ABAT: variants seen among roughly 807,000 people sequenced by gnomAD.
The protein encoded by ABAT is 4-aminobutyrate aminotransferase, also known as 4-aminobutyrate aminotransferase, mitochondrial.
Under a neutral mutation model 64.6 loss-of-function variants are expected in ABAT, and 45 were observed. The ratio of observed to expected loss-of-function variants is 0.70; its 90% CI spans 0.55 to 0.89. The LOEUF (loss-of-function observed/expected upper bound fraction) is 0.89, where lower values mean the gene tolerates loss of function less well. Ranked by LOEUF, ABAT falls within the 40% of genes least tolerant of loss-of-function variation. The pLI is 0.00. For missense variants in ABAT, 633 were observed against 658.4 expected (o/e 0.96, Z 0.42); for synonymous variants, 297 against 250.5 (o/e 1.19, Z -1.75).
rs559833009 is a variant in ABAT at position 8,716,771 on chromosome 16, G to C, written c.-41-18928G>C. ...TGCAGCAGACAGGCCCAGGCAGGCCGTGGCATTTCAGCAGGTCAGATTGTA... is the reference window on the plus strand; with the variant it reads ...TGCAGCAGACAGGCCCAGGCAGGCCCTGGCATTTCAGCAGGTCAGATTGTA... On this transcript the variant is annotated intron_variant, in intron 1 of 15. Coordinates refer to ENST00000268251, the MANE Select transcript of ABAT (RefSeq NM_020686.6). Among the ~76,000 whole-genome samples the C allele has an allele frequency of 2.6e-5, 4 of 152,288 alleles. 1 individual carries two copies. The highest frequency in any genetic ancestry group is 9.6e-5 in the African/African-American group (4 of 41,558).
chr16:8,715,876 C>G (rs2058203168), intron 1 of ABAT, among the ~76,000 whole-genome samples: 1 of 149,192 alleles, frequency 6.7e-6, no homozygotes, highest in Non-Finnish European at 1.5e-5. Context: ...TTAGAAGATA[C>G]AGGCTGAAGG....
In ABAT at chr16:8,776,586, G is replaced by A; in HGVS notation, c.1269+96G>A. 7.6e-7 allele frequency: 1 copy of A among 1,319,352 alleles called. No individual in the cohort carries two copies. The highest frequency in any genetic ancestry group is 1.1e-6 in the Non-Finnish European group (1 of 944,792). The allele number at this position is 1,319,352 out of a possible 1,614,324, so 81.7% of individuals were successfully genotyped here. A position where few individuals can be genotyped will look rare whatever the true frequency, so the allele number is the denominator to read the frequency against. On this transcript the variant is annotated intron_variant, in intron 14 of 15. Coordinates refer to ENST00000268251, the MANE Select transcript of ABAT (RefSeq NM_020686.6). The surrounding 1 kb of genome is among the most constrained non-coding windows in gnomAD (Gnocchi z 4.4). ...AGCTCTTCGGCATGGTGTTGTGCCTGCTGTTCCAGCAGTTCGTAACGGGCT... is the reference window on the plus strand; with the variant it reads ...AGCTCTTCGGCATGGTGTTGTGCCTACTGTTCCAGCAGTTCGTAACGGGCT...
At chr16:8,679,739 C>A (rs1010111922) in intron 1 of ABAT, among the ~76,000 whole-genome samples, 11 of 152,020 alleles carry the variant, frequency 7.2e-5, no homozygotes, top group African/African-American at 2.4e-4. Context: ...GTGGGGGCTC[C>A]TGAGGCCCCA....
intron 1 of ABAT, among the ~76,000 whole-genome samples, chr16:8,707,689 G>T (rs574959198): frequency 1.3e-5 from 2 of 152,166 alleles, no homozygotes; most frequent in South Asian, 2.1e-4. Context: ...GAACCTAAAA[G>T]CTAGCTGGAC....
Position 8,764,097 on chromosome 16 carries a change from G to T in ABAT, c.395G>T (p.Gly132Val), listed in dbSNP as rs756439617. The T allele has an allele frequency of 6.2e-7, 1 of 1,613,728 alleles. No homozygotes were observed. The highest frequency in any genetic ancestry group is 1.1e-5 in the South Asian group (1 of 91,064). The change falls in exon 7 of 16, where the codon GGA (glycine) becomes GTA (valine). Residue 132 changes from glycine to valine, a missense_variant. Transcript: ENST00000268251. This position sits in a 1 kb window ranked among gnomAD's most constrained non-coding sequence, Gnocchi z 4.2. ...ASMFVNRPAL[G>V]ILPPENFVEK... ...ATGTTTGTCAACAGACCCGCCCTCG[G>T]AATCCTGCCTCCGGAGAACTTTGTG...
chr16:8,720,066 GC>G (rs2058324915), intron 1 of ABAT, among the ~76,000 whole-genome samples: 3 of 152,152 alleles, frequency 2.0e-5, no homozygotes, highest in African/African-American at 7.2e-5. Flanking sequence ...GCCTGCCTCG[GC>G]CTCCCAAAGT....
chr16:8,686,318 C>G (rs2057455173), intron 1 of ABAT, among the ~76,000 whole-genome samples: 1 of 152,182 alleles, frequency 6.6e-6, no homozygotes, highest in African/African-American at 2.4e-5. Flanking sequence ...TCCAGTCCTG[C>G]AAGGGGCTGG....
At chr16:8,754,665 T>G in intron 5 of ABAT, among the ~76,000 whole-genome samples, 1 of 9,726 alleles carries the variant, frequency 1.0e-4, no homozygotes, top group East Asian at 0.062. Flanking sequence ...CAAGTTGATT[T>G]ATTTATTTCT....
intron 4 of ABAT, 75 bp from the exon 5 acceptor site, chr16:8,750,347 A>T (rs2059443702): frequency 1.6e-6 from 2 of 1,254,592 alleles, no homozygotes; most frequent in Non-Finnish European, 2.3e-6. Context: ...TACTTCACTG[A>T]TTCAAGCTTA....
intron 1 of ABAT, among the ~76,000 whole-genome samples, chr16:8,695,724 G>A (rs2057687032): frequency 6.6e-6 from 1 of 152,130 alleles, no homozygotes; most frequent in Admixed American, 6.6e-5. Context: ...AATTTTCCTT[G>A]CATTGGAGTG....
At chr16:8,710,714 G>GGA (rs1160513772) in intron 1 of ABAT, among the ~76,000 whole-genome samples, 1 of 128,822 alleles carries the variant, frequency 7.8e-6, no homozygotes, top group Non-Finnish European at 1.5e-5. Flanking sequence ...GAGAGAGAGA[G>GGA]AGAGAGAGAG....
intron 1 of ABAT, among the ~76,000 whole-genome samples, chr16:8,687,722 G>C (rs992905142): frequency 2.6e-5 from 4 of 152,164 alleles, no homozygotes; most frequent in African/African-American, 9.7e-5. Flanking sequence ...GTGAGATCAG[G>C]GGAAAGTCCT....
At chr16:8,723,842 T>A (rs2058454873) in intron 1 of ABAT, among the ~76,000 whole-genome samples, 1 of 114,990 alleles carries the variant, frequency 8.7e-6, no homozygotes, top group East Asian at 2.5e-4. Context: ...TTTTTTTTTT[T>A]TTTTTTTTTT....
intron 1 of ABAT, among the ~76,000 whole-genome samples, chr16:8,692,551 G>A (rs560511896): frequency 6.6e-6 from 1 of 152,256 alleles, no homozygotes; most frequent in South Asian, 2.1e-4. Flanking sequence ...GGGGGATTGA[G>A]AGGAAAATCC....
At position 8,750,458 on chromosome 16, in the gene ABAT, G is replaced by A. The variant is rs369100901; in HGVS notation, c.235G>A (p.Glu79Lys). 9.3e-6 allele frequency: 15 copies of A among 1,614,072 alleles called. No homozygotes were observed. The highest frequency in any genetic ancestry group is 1.3e-5 in the Non-Finnish European group (15 of 1,180,038). ...TGTGCATTTTTTCTGCAATTACGAA[G>A]AGAGCCGAGGCAATTACCTGGTTGA... ...EAVHFFCNYE[E>K]SRGNYLVDVD... Residue 79 changes from glutamate to lysine, a missense_variant, in exon 5 of 16, where the codon GAG (glutamate) becomes AAG (lysine). Glu to Lys is a moderately conservative substitution (Grantham distance 56). Coordinates refer to ENST00000268251, the MANE Select transcript of ABAT (RefSeq NM_020686.6).
intron 12 of ABAT, among the ~76,000 whole-genome samples, chr16:8,774,406 A>G (rs1283552455): frequency 6.6e-6 from 1 of 152,104 alleles, no homozygotes; most frequent in Non-Finnish European, 1.5e-5. Context: ...TTGTGCATAT[A>G]TAACTGGCAA....
chr16:8,772,248 G>GTCTC (rs757172298), intron 11 of ABAT, among the ~76,000 whole-genome samples: 2 of 94,366 alleles, frequency 2.1e-5, no homozygotes, highest in East Asian at 6.1e-4. Context: ...TTTTCTCTCT[G>GTCTC]TCTCTGTGTG....
intron 2 of ABAT, among the ~76,000 whole-genome samples, chr16:8,743,623 GATATATATTTTAGTTATAATATATA>G (rs1195718712): frequency 1.4e-4 from 19 of 133,064 alleles, no homozygotes; most frequent in East Asian, 2.0e-4. Flanking sequence ...TTAGTTATAT[GATATATATTTTAGTTATAATATATA>G]ATATATATTT....
At chr16:8,727,258 A>T (rs1219798910) in intron 1 of ABAT, among the ~76,000 whole-genome samples, 2 of 152,168 alleles carry the variant, frequency 1.3e-5, no homozygotes, top group African/African-American at 4.8e-5. Context: ...CCTATCAATC[A>T]AGATCAGCCT....
Sources: gnomAD v4.1 joint callset for allele counts (sites outside exome capture counted in the v4.1 genomes callset) on GRCh38, gnomAD v4.1.1 for gene constraint, Gnocchi (gnomAD v3.1) non-coding constraint, MANE v1.5 for transcripts, NCBI Gene and HGNC (gene_info 2026-07-23, HGNC 2026-07-21) for gene names.